Variants in THSD7B observed in about 807,000 individuals in gnomAD.
THSD7B encodes the protein thrombospondin type 1 domain containing 7B.
In THSD7B, 138 loss-of-function variants were observed where a neutral mutation model predicts 213.6. The observed-to-expected ratio is 0.65, with a 90% CI of 0.56 to 0.74. The LOEUF is 0.74. Ranked by LOEUF, THSD7B falls within the 30% of genes least tolerant of loss-of-function variation. The probability of loss-of-function intolerance (pLI) is 0.00; values close to 1 mark genes in which losing one functional copy is unlikely to be tolerated. For synonymous variants in THSD7B, 742 were observed against 687.0 expected (o/e 1.08, Z -1.25); for missense variants, 1,931 against 1,991.5 (o/e 0.97, Z 0.58).
intron 17 of THSD7B, among the ~76,000 whole-genome samples, chr2:137,584,769 T>C (rs1251288960): frequency 6.6e-6 from 1 of 152,216 alleles, no homozygotes; most frequent in Non-Finnish European, 1.5e-5. Flanking sequence ...TGCATCGATG[T>C]TCATAAGGGA....
At chr2:136,961,214 TTTTTC>T (rs1283553365) in intron 2 of THSD7B, among the ~76,000 whole-genome samples, 1 of 137,996 alleles carries the variant, frequency 7.2e-6, no homozygotes, top group African/African-American at 2.8e-5. Context: ...TTGACATGTA[TTTTTC>T]TTTTCTTTTT....
chr2:137,221,232 A>G (rs902405052), intron 7 of THSD7B, among the ~76,000 whole-genome samples: 1 of 152,122 alleles, frequency 6.6e-6, no homozygotes, highest in Non-Finnish European at 1.5e-5. Flanking sequence ...GCTTGCAGTG[A>G]GCCGAGATTG....
At chr2:137,311,404 G>A (rs1683902582) in intron 12 of THSD7B, among the ~76,000 whole-genome samples, 2 of 152,116 alleles carry the variant, frequency 1.3e-5, no homozygotes, top group Non-Finnish European at 2.9e-5. Flanking sequence ...GGAGATTTTA[G>A]ACTGAGACAA....
intron 9 of THSD7B, among the ~76,000 whole-genome samples, chr2:137,240,750 A>G (rs72844398): frequency 0.28 from 42,612 of 152,070 alleles, 6,697 homozygotes; most frequent in Non-Finnish European, 0.35. Flanking sequence ...TCTGGCCTCA[A>G]GCAATACTCT....
chr2:137,560,470 C>A (rs1005581450), intron 15 of THSD7B, among the ~76,000 whole-genome samples: 20 of 152,024 alleles, frequency 1.3e-4, no homozygotes, highest in African/African-American at 4.6e-4. Context: ...GGAGAAAAAA[C>A]CAAACACCAC....
intron 15 of THSD7B, among the ~76,000 whole-genome samples, chr2:137,524,510 T>A (rs962758741): frequency 6.6e-6 from 1 of 152,180 alleles, no homozygotes; most frequent in Non-Finnish European, 1.5e-5. Flanking sequence ...GCATTTTTTT[T>A]ATAGGTGATG....
rs1333862676 is a variant in THSD7B, at chr2:137,487,567, A to T, written c.3138+36544A>T. Among the ~76,000 whole-genome samples, 6 of 151,780 alleles carry T rather than the reference A, an allele frequency of 4.0e-5. No individual in the cohort carries two copies. The East Asian group carries it at 1.2e-3, about 29-fold the overall frequency. ...TCAACAAAATTGATAGTCCACTAGCAAGACTAATAAAGAAGAAAAGAGAGA... is the reference window on the plus strand; with the variant it reads ...TCAACAAAATTGATAGTCCACTAGCTAGACTAATAAAGAAGAAAAGAGAGA... On this transcript the variant is annotated intron_variant, in intron 15 of 27. Coordinates refer to ENST00000409968, the MANE Select transcript of THSD7B (RefSeq NM_001316349.2).
intron 15 of THSD7B, among the ~76,000 whole-genome samples, chr2:137,486,230 T>C (rs948461342): frequency 3.3e-5 from 5 of 151,954 alleles, no homozygotes; most frequent in Non-Finnish European, 7.4e-5. Flanking sequence ...GACCCATCAG[T>C]GTACTGTATT....
intron 21 of THSD7B, among the ~76,000 whole-genome samples, chr2:137,654,715 G>A (rs1317057559): frequency 6.6e-6 from 1 of 152,098 alleles, no homozygotes; most frequent in Admixed American, 6.6e-5. Flanking sequence ...TCTGAGATAT[G>A]GCTGATGATA....
chr2:137,055,288 A>G (rs1464371366), intron 2 of THSD7B, among the ~76,000 whole-genome samples: 4 of 152,040 alleles, frequency 2.6e-5, no homozygotes, highest in African/African-American at 9.7e-5. Flanking sequence ...ATCCTTTGGG[A>G]TCAATCCTTT....
At chr2:137,310,163 C>A (rs559170288) in intron 12 of THSD7B, among the ~76,000 whole-genome samples, 2 of 152,238 alleles carry the variant, frequency 1.3e-5, no homozygotes, top group South Asian at 4.2e-4. Flanking sequence ...TCCTCTCCGG[C>A]ACCTGTTTCC....
intron 4 of THSD7B, among the ~76,000 whole-genome samples, chr2:137,103,532 C>T (rs554501847): frequency 2.2e-4 from 33 of 152,004 alleles, no homozygotes; most frequent in South Asian, 4.1e-4. Context: ...CATACATAAC[C>T]GTATTAACCT....
In THSD7B at chr2:137,085,219, C is replaced by A. The variant is rs754369977; in HGVS notation, c.951-9654C>A. ...AACGCCCTGGTCCTTGCATAATCAGCCAATAGTAATGATTAGTATTGGATA... is the reference window on the plus strand; with the variant it reads ...AACGCCCTGGTCCTTGCATAATCAGACAATAGTAATGATTAGTATTGGATA... On this transcript the variant is annotated intron_variant, in intron 3 of 27. Transcript: ENST00000409968. Among the ~76,000 whole-genome samples, 53 of 152,088 alleles carry A rather than the reference C, an allele frequency of 3.5e-4. 2 individuals are homozygous for A. Among genetic ancestry groups the A allele is most frequent in the Non-Finnish European group, 1.2e-4 (8 of 68,020 alleles).
rs201250185 is a variant in THSD7B at position 137,638,952 on chromosome 2, CAG to C, written c.3800-3533_3800-3532del. Among the ~76,000 whole-genome samples the C allele has an allele frequency of 3.9e-3, 594 of 151,582 alleles. 2 individuals are homozygous for C. The highest frequency in any genetic ancestry group is 0.014 in the African/African-American group (564 of 41,324). On this transcript the variant is annotated intron_variant, in intron 20 of 27. Coordinates refer to ENST00000409968, the MANE Select transcript of THSD7B (RefSeq NM_001316349.2). ...AAAGCATTCCATTTTAGAAGAGAAA[CAG>C]AGCATAAAAGTTCAGAAAAATTTGC...
At chr2:137,140,717 A>C (rs1175214639) in intron 5 of THSD7B, among the ~76,000 whole-genome samples, 3 of 152,170 alleles carry the variant, frequency 2.0e-5, no homozygotes. Flanking sequence ...TTTTATGATA[A>C]GAACTGTTTT....
At chr2:137,648,734 T>G (rs1683083328) in intron 21 of THSD7B, among the ~76,000 whole-genome samples, 1 of 152,056 alleles carries the variant, frequency 6.6e-6, no homozygotes, top group East Asian at 1.9e-4. Context: ...TCCCTTCTCT[T>G]GAGTATATAA....
At chr2:137,491,557 T>C (rs1011969384) in intron 15 of THSD7B, among the ~76,000 whole-genome samples, 10 of 152,228 alleles carry the variant, frequency 6.6e-5, no homozygotes, top group Admixed American at 3.3e-4. Flanking sequence ...TTTAGCTAAA[T>C]GGACTAGTAT....
intron 5 of THSD7B, among the ~76,000 whole-genome samples, chr2:137,144,668 C>G (rs190740707): frequency 2.2e-4 from 33 of 151,968 alleles, no homozygotes; most frequent in African/African-American, 6.8e-4. Flanking sequence ...TAATGACTAT[C>G]TGGTGGAAAT....
At chr2:136,999,919 T>A (rs1463281316) in intron 2 of THSD7B, among the ~76,000 whole-genome samples, 1 of 152,194 alleles carries the variant, frequency 6.6e-6, no homozygotes, top group East Asian at 1.9e-4. Flanking sequence ...CAGTTAGGGT[T>A]CCAAATTTAA....
Sources: gnomAD v4.1 joint callset for allele counts (sites outside exome capture counted in the v4.1 genomes callset) on GRCh38, gnomAD v4.1.1 for gene constraint, MANE v1.5 for transcripts, NCBI Gene and HGNC (gene_info 2026-07-23, HGNC 2026-07-21) for gene names.